CARS1: variants seen among roughly 807,000 people sequenced by gnomAD.
The protein encoded by CARS1 is cysteinyl-tRNA synthetase 1, also known as cysteine--tRNA ligase, cytoplasmic.
Under a neutral mutation model 106.2 loss-of-function variants are expected in CARS1, and 48 were observed. The observed-to-expected ratio is 0.45, with a 90% confidence interval of 0.36 to 0.57. The LOEUF (loss-of-function observed/expected upper bound fraction) is 0.57, where lower values mean the gene tolerates loss of function less well. CARS1 is among the 20% of genes least tolerant of loss of function. CARS1 has a pLI of 0.00. For synonymous variants in CARS1, 409 were observed against 403.4 expected (o/e 1.01, Z -0.17); for missense variants, 968 against 1,057.2 (o/e 0.92, Z 1.17).
At position 3,029,672 on chromosome 11, in the gene CARS1, C is replaced by A; in HGVS notation, c.802-229G>T. ...CTCACATGAACTCAGAGGAGCAAAG[C>A]CAAGGGGACTGTGGGTGCAGAGGCA... On this transcript the variant is annotated intron_variant, in intron 7 of 22. Coordinates refer to ENST00000380525, the MANE Select transcript of CARS1 (RefSeq NM_001014437.3). This position sits in a 1 kb window ranked among gnomAD's most constrained non-coding sequence, Gnocchi z 5.9. 1 of 543,288 alleles carries A rather than the reference C, an allele frequency of 1.8e-6. No homozygotes were observed. Among genetic ancestry groups the A allele is most frequent in the Non-Finnish European group, 3.2e-6 (1 of 308,638 alleles). The allele number at this position is 543,288 out of a possible 1,614,324, so 33.7% of individuals were successfully genotyped here.
rs1424615138 is a variant in CARS1 at position 3,053,961 on chromosome 11, C to T, written c.25+3382G>A. ...CCCTTTCTGCAAATGTTCCCCTGGT[C>T]CCACCCTCTACAGCTGCTCCTCTTG... On this transcript the variant is annotated intron_variant, in intron 1 of 22. Transcript: ENST00000380525. The surrounding 1 kb of genome is among the most constrained non-coding windows in gnomAD (Gnocchi z 6.6). 1.3e-5 allele frequency among the ~76,000 whole-genome samples: 2 copies of T among 152,130 alleles called. No homozygotes were observed. Among genetic ancestry groups the T allele is most frequent in the African/African-American group, 2.4e-5 (1 of 41,410 alleles).
Position 3,041,177 on chromosome 11 carries a change from C to A in CARS1, c.367-193G>T. On this transcript the variant is annotated intron_variant, in intron 3 of 22. Transcript: ENST00000380525. The surrounding 1 kb of genome is among the most constrained non-coding windows in gnomAD (Gnocchi z 4.9). ...TGAGATGTACGGCACCTCCCACCAA[C>A]TGAGCCCTGGGTGGGTGGGGCCTCT... is the stretch of plus-strand genomic sequence containing the variant. The A allele has an allele frequency of 2.7e-6, 2 of 748,792 alleles. No homozygotes were observed. The highest frequency in any genetic ancestry group is 4.2e-6 in the Non-Finnish European group (2 of 481,402). The allele number at this position is 748,792 out of a possible 1,614,324, so 46.4% of individuals were successfully genotyped here.
At chr11:3,002,655 T>G (rs2134072214) in intron 20 of CARS1, 55 bp from the exon 21 acceptor site, 1 of 1,609,648 alleles carries the variant, frequency 6.2e-7, no homozygotes. Flanking sequence ...CTGCTGGGTC[T>G]CTCGGAGTGA....
chr11:3,036,091 C>G (rs1277676143), intron 7 of CARS1, among the ~76,000 whole-genome samples: 1 of 152,232 alleles, frequency 6.6e-6, no homozygotes, highest in Non-Finnish European at 1.5e-5. Flanking sequence ...ACATTTCACA[C>G]ATGTGGCTGC....
chr11:3,040,895 C>T lies in CARS1; in HGVS notation c.455+1G>A. 6.2e-7 allele frequency: 1 copy of T among 1,613,634 alleles called. No individual in the cohort carries two copies. The highest frequency in any genetic ancestry group is 1.1e-5 in the South Asian group (1 of 90,986). On this transcript the variant is annotated splice_donor_variant, in intron 4 of 22. Coordinates refer to ENST00000380525, the MANE Select transcript of CARS1 (RefSeq NM_001014437.3). LOFTEE classifies it high-confidence loss of function. The surrounding 1 kb of genome is among the most constrained non-coding windows in gnomAD (Gnocchi z 5.8). Reference sequence around the variant, plus strand: ...GCAGGGACACCCCGCGGTGGACCTACCTGGCGTGCCCCATGTGAGATGCGT... The same window carrying T: ...GCAGGGACACCCCGCGGTGGACCTATCTGGCGTGCCCCATGTGAGATGCGT...
chr11:3,056,938 CG>C (rs1173911337), intron 1 of CARS1, among the ~76,000 whole-genome samples: 3 of 152,174 alleles, frequency 2.0e-5, no homozygotes. Context: ...CGGGTCCCCG[CG>C]GGGTCTGTGC....
At position 3,017,657 on chromosome 11, in the gene CARS1, A is replaced by G; in HGVS notation, c.1727+200T>C. 1.7e-6 allele frequency: 1 copy of G among 574,392 alleles called. No homozygotes were observed. The highest frequency in any genetic ancestry group is 2.9e-5 in the East Asian group (1 of 34,896). The allele number at this position is 574,392 out of a possible 1,614,324, so 35.6% of individuals were successfully genotyped here. On this transcript the variant is annotated intron_variant, in intron 15 of 22. Transcript: ENST00000380525. This position sits in a 1 kb window ranked among gnomAD's most constrained non-coding sequence, Gnocchi z 4.9. ...AAACTCCGTCTCAAAAAGAAAAAAC[A>G]AAAAAGAAATTCTCCATGCACTTCA...
intron 7 of CARS1, among the ~76,000 whole-genome samples, chr11:3,035,553 A>C (rs968843887): frequency 5.3e-5 from 8 of 152,164 alleles, no homozygotes; most frequent in Admixed American, 1.3e-4. Flanking sequence ...TGGTGTGTTC[A>C]TGGCTCACTG....
At chr11:3,001,371 G>C in intron 22 of CARS1, 123 bp from the exon 23 acceptor site, 1 of 1,141,824 alleles carries the variant, frequency 8.8e-7, no homozygotes, top group Non-Finnish European at 1.3e-6. Context: ...CTCTTGCTTG[G>C]ACATTCAGTC....
intron 14 of CARS1, 102 bp downstream of exon 14, chr11:3,018,306 T>C (rs1359788680): frequency 1.3e-6 from 1 of 759,872 alleles, no homozygotes; most frequent in Non-Finnish European, 2.2e-6. Context: ...TGGTCTCCAT[T>C]AGAGACATCG....
chr11:3,027,009 G>A, intron 9 of CARS1: 3 of 532,204 alleles, frequency 5.6e-6, no homozygotes, highest in Non-Finnish European at 9.7e-6. Flanking sequence ...CCTGCCCTGG[G>A]CAGCTCGTCC....
In CARS1 at chr11:3,029,165, C is replaced by G. The variant is rs539198659; in HGVS notation, c.943-81G>C. ...ATAAAAACGTTCCCAATTCATAAAA[C>G]GAAAAGCCCATTATGCCCCTCAACT... On this transcript the variant is annotated intron_variant, in intron 8 of 22. Coordinates refer to ENST00000380525, the MANE Select transcript of CARS1 (RefSeq NM_001014437.3). This position sits in a 1 kb window ranked among gnomAD's most constrained non-coding sequence, Gnocchi z 5.9. 2 of 1,437,926 alleles carry G rather than the reference C, an allele frequency of 1.4e-6. No homozygotes were observed. Among genetic ancestry groups the G allele is most frequent in the East Asian group, 4.6e-5 (2 of 43,896 alleles). 89.1% of individuals were successfully genotyped at this position (1,437,926 alleles called of 1,614,324 possible).
intron 17 of CARS1, among the ~76,000 whole-genome samples, chr11:3,014,721 C>T (rs1451783382): frequency 6.6e-6 from 1 of 152,252 alleles, no homozygotes; most frequent in Non-Finnish European, 1.5e-5. Flanking sequence ...CTACCACAAC[C>T]AAGCTAGCTA....
Position 3,021,387 on chromosome 11 carries a change from C to T in CARS1, c.1154-1055G>A, listed in dbSNP as rs1851558232. ...TAAGGGCTGCCTTAGGTGCTGTCAC[C>T]CCCTTGTGGAGGAAGAACAGACTCC... On this transcript the variant is annotated intron_variant, in intron 10 of 22. Coordinates refer to ENST00000380525, the MANE Select transcript of CARS1 (RefSeq NM_001014437.3). The surrounding 1 kb of genome is among the most constrained non-coding windows in gnomAD (Gnocchi z 5.3). 6.6e-6 allele frequency among the ~76,000 whole-genome samples: 1 copy of T among 152,158 alleles called. No homozygotes were observed.
intron 17 of CARS1, among the ~76,000 whole-genome samples, chr11:3,013,597 T>C (rs942265594): frequency 1.3e-5 from 2 of 151,776 alleles, no homozygotes; most frequent in South Asian, 4.2e-4. Context: ...ACAACTGTAA[T>C]CCCAGCACTT....
At chr11:3,025,572 A>C (rs1365465786) in intron 10 of CARS1, among the ~76,000 whole-genome samples, 1 of 152,210 alleles carries the variant, frequency 6.6e-6, no homozygotes, top group Admixed American at 6.5e-5. Context: ...AAATTAGATA[A>C]AAGTATGAAC....
chr11:3,001,998 G>A lies in CARS1; in HGVS notation c.2333C>T (p.Thr778Ile). 6.2e-7 allele frequency: 1 copy of A among 1,613,752 alleles called. No individual in the cohort carries two copies. Among genetic ancestry groups the A allele is most frequent in the Middle Eastern group, 1.6e-4 (1 of 6,062 alleles). The change falls in exon 22 of 23, where the codon ACC becomes ATC. Residue 778 changes from threonine to isoleucine, a missense_variant. Coordinates refer to ENST00000380525, the MANE Select transcript of CARS1 (RefSeq NM_001014437.3). ...IPPSEMFLSE[T>I]DKYSKFDENG... ...TTCATCAAACTTGGAGTATTTGTCG[G>A]TTTCTGACAAGAACATCTCACTGGG...
chr11:3,020,102 G>C lies in CARS1; in HGVS notation c.1266+118C>G. The C allele has an allele frequency of 7.0e-6, 5 of 710,352 alleles. No individual in the cohort carries two copies. The highest frequency in any genetic ancestry group is 4.0e-4 in the Middle Eastern group (1 of 2,528). 44.0% of individuals were successfully genotyped at this position (710,352 alleles called of 1,614,324 possible). ...GCAGCCTGTGCTGCACCAGCACCAGGCTCTGGCCCAGTGACAACATCCTTC... is the reference window on the plus strand; with the variant it reads ...GCAGCCTGTGCTGCACCAGCACCAGCCTCTGGCCCAGTGACAACATCCTTC... On this transcript the variant is annotated intron_variant, in intron 11 of 22. Transcript: ENST00000380525. This position sits in a 1 kb window ranked among gnomAD's most constrained non-coding sequence, Gnocchi z 4.6.
chr11:3,030,229 A>C lies in CARS1; in HGVS notation c.802-786T>G, dbSNP rs1458633947. ...GGCTGGAGAGAAAAAGTGTAGGAAA[A>C]TGGCCTGGCAGACAGCAAGGACACA... On this transcript the variant is annotated intron_variant, in intron 7 of 22. Coordinates refer to ENST00000380525, the MANE Select transcript of CARS1 (RefSeq NM_001014437.3). The surrounding 1 kb of genome is among the most constrained non-coding windows in gnomAD (Gnocchi z 5.7). The C allele has an allele frequency of 6.6e-6, 1 of 152,306 alleles. No homozygotes were observed. Among genetic ancestry groups the C allele is most frequent in the Non-Finnish European group, 1.5e-5 (1 of 68,150 alleles). 9.4% of individuals were successfully genotyped at this position (152,306 alleles called of 1,614,324 possible).
Sources: allele counts gnomAD v4.1 joint callset (sites outside exome capture counted in the v4.1 genomes callset), GRCh38; gene constraint gnomAD v4.1.1; non-coding constraint Gnocchi (gnomAD v3.1); transcripts MANE v1.5; gene names NCBI Gene and HGNC (gene_info 2026-07-23, HGNC 2026-07-21).